The following RPS6KC1 variants were observed in gnomAD, a reference collection of about 807,000 sequenced individuals.
The protein encoded by RPS6KC1 is inactive ribosomal protein S6 kinase delta-1.
RPS6KC1 carries 54 observed loss-of-function variants against 103.8 expected under a neutral mutation model. That is an observed-to-expected ratio of 0.52 (90% CI 0.42 to 0.65). The LOEUF is 0.65. Ranked by LOEUF, RPS6KC1 falls within the 30% of genes least tolerant of loss-of-function variation. RPS6KC1 has a pLI of 0.00. For synonymous variants in RPS6KC1, 439 were observed against 438.7 expected, an observed-to-expected ratio of 1.00 and a Z score of -0.01; for missense variants, 1,151 against 1,253.8, an observed-to-expected ratio of 0.92 and a Z score of 1.24.
At chr1:213,155,718 G>A (rs1435490926) in intron 6 of RPS6KC1, among the ~76,000 whole-genome samples, 1 of 152,084 alleles carries the variant, frequency 6.6e-6, no homozygotes, top group East Asian at 1.9e-4. Context: ...TTAAAACCAG[G>A]TACTATGAGT....
At chr1:213,549,484 G>C in the RPS6KC1 span, among the ~76,000 whole-genome samples, 1 of 152,002 alleles carries the variant, frequency 6.6e-6, no homozygotes, top group East Asian at 1.9e-4. Context: ...ATCAGAAGGA[G>C]TATAAAGAAG....
the RPS6KC1 span, among the ~76,000 whole-genome samples, chr1:213,436,833 G>A: frequency 6.6e-6 from 1 of 152,184 alleles, no homozygotes; most frequent in Non-Finnish European, 1.5e-5. Flanking sequence ...ACATAGAAAT[G>A]CAATCCATTT....
In RPS6KC1 at chr1:213,241,749, C is replaced by G. The variant is rs1304999083; in HGVS notation, c.2273C>G (p.Pro758Arg). The G allele has an allele frequency of 6.2e-7, 1 of 1,613,710 alleles. No homozygotes were observed. The highest frequency in any genetic ancestry group is 1.3e-5 in the African/African-American group (1 of 74,850). Residue 758 changes from proline to arginine, a missense_variant, in exon 11 of 15, where the codon CCC becomes CGC. Pro to Arg is a moderately radical substitution (Grantham distance 103). Coordinates refer to ENST00000366960, the MANE Select transcript of RPS6KC1 (RefSeq NM_012424.6). ...GIEELSDPSG[P>R]KSYSITEKHY... ...GAGGAACTGAGTGATCCCTCTGGGC[C>G]CAAATCCTATAGTATAACAGAGAAA... is the stretch of plus-strand genomic sequence containing the variant.
chr1:213,318,207 G>C, the RPS6KC1 span, among the ~76,000 whole-genome samples: 1 of 152,200 alleles, frequency 6.6e-6, no homozygotes, highest in Non-Finnish European at 1.5e-5. Flanking sequence ...ACATCATTTT[G>C]GTTCCTTTGG....
At chr1:213,547,333 T>C in the RPS6KC1 span, among the ~76,000 whole-genome samples, 1 of 152,332 alleles carries the variant, frequency 6.6e-6, no homozygotes, top group South Asian at 2.1e-4. Flanking sequence ...CATGTCTAAA[T>C]GCTTCTACCT....
the RPS6KC1 span, among the ~76,000 whole-genome samples, chr1:213,381,555 C>T: frequency 6.6e-6 from 1 of 152,000 alleles, no homozygotes; most frequent in Non-Finnish European, 1.5e-5. Flanking sequence ...AGAGCAAACC[C>T]ATCCACTTTA....
intron 8 of RPS6KC1, among the ~76,000 whole-genome samples, chr1:213,221,461 A>G (rs1313606395): frequency 2.6e-5 from 4 of 152,220 alleles, no homozygotes; most frequent in Non-Finnish European, 5.9e-5. Context: ...GAAGGTGGCC[A>G]CAGTGACTTT....
the RPS6KC1 span, among the ~76,000 whole-genome samples, chr1:213,608,485 G>A: frequency 2.6e-5 from 4 of 152,228 alleles, no homozygotes; most frequent in Admixed American, 1.3e-4. Context: ...GGATTCCACG[G>A]TGGCAAAAGT....
chr1:213,228,550 C>A, intron 8 of RPS6KC1, among the ~76,000 whole-genome samples: 1 of 151,378 alleles, frequency 6.6e-6, no homozygotes. Flanking sequence ...TATGGTGAGA[C>A]CCCTGTCTTA....
the RPS6KC1 span, among the ~76,000 whole-genome samples, chr1:213,367,588 A>G: frequency 6.6e-6 from 1 of 152,230 alleles, no homozygotes; most frequent in East Asian, 1.9e-4. Context: ...TAGCCTTTAA[A>G]AAGATAAGGC....
intron 8 of RPS6KC1, among the ~76,000 whole-genome samples, chr1:213,192,403 G>C (rs2092781483): frequency 6.6e-6 from 1 of 152,104 alleles, no homozygotes; most frequent in Non-Finnish European, 1.5e-5. Flanking sequence ...CTCATAGACT[G>C]AGTTTGGAAG....
At chr1:213,858,927 A>T in the RPS6KC1 span, among the ~76,000 whole-genome samples, 8 of 152,248 alleles carry the variant, frequency 5.3e-5, no homozygotes. Context: ...ATAAATGGTC[A>T]CAATGCAAAC....
intron 8 of RPS6KC1, among the ~76,000 whole-genome samples, chr1:213,209,218 C>T (rs1001818639): frequency 1.3e-5 from 2 of 152,144 alleles, no homozygotes; most frequent in Admixed American, 1.3e-4. Context: ...AGTAGCCCCG[C>T]TCACTTTCAT....
At chr1:213,452,757 G>A in the RPS6KC1 span, among the ~76,000 whole-genome samples, 10 of 152,104 alleles carry the variant, frequency 6.6e-5, no homozygotes, top group Non-Finnish European at 1.2e-4. Context: ...CCAGGCTGGC[G>A]GGATCCCACA....
At chr1:213,798,511 G>A in the RPS6KC1 span, among the ~76,000 whole-genome samples, 1 of 152,130 alleles carries the variant, frequency 6.6e-6, no homozygotes, top group Non-Finnish European at 1.5e-5. Flanking sequence ...AGTATACCTG[G>A]GAGTTCTAGA....
chr1:213,432,920 C>T, the RPS6KC1 span, among the ~76,000 whole-genome samples: 1 of 152,112 alleles, frequency 6.6e-6, no homozygotes, highest in Non-Finnish European at 1.5e-5. Context: ...CAGTTTTTAG[C>T]TATTGTAAAT....
intron 4 of RPS6KC1, among the ~76,000 whole-genome samples, chr1:213,111,082 G>A (rs144085110): frequency 1.3e-5 from 2 of 151,896 alleles, no homozygotes; most frequent in East Asian, 3.9e-4. Flanking sequence ...GAGGAACTGA[G>A]GCAAGAACAT....
At chr1:213,378,672 A>G in the RPS6KC1 span, among the ~76,000 whole-genome samples, 1 of 152,192 alleles carries the variant, frequency 6.6e-6, no homozygotes, top group South Asian at 2.1e-4. Flanking sequence ...ATATATCCAT[A>G]TTTATTCATT....
chr1:213,054,264 G>A (rs2077166967), intron 1 of RPS6KC1, among the ~76,000 whole-genome samples: 1 of 152,158 alleles, frequency 6.6e-6, no homozygotes, highest in Non-Finnish European at 1.5e-5. Flanking sequence ...GTTACATATT[G>A]CTCTGGTTAT....
Sources: allele counts gnomAD v4.1 joint callset (sites outside exome capture counted in the v4.1 genomes callset), GRCh38; gene constraint gnomAD v4.1.1; transcripts MANE v1.5; gene names NCBI Gene and HGNC (gene_info 2026-07-23, HGNC 2026-07-21).